The following DCC variants were observed in gnomAD, a reference collection of about 807,000 sequenced individuals.
DCC encodes DCC netrin 1 receptor.
In DCC, 58 loss-of-function variants were observed where a neutral mutation model predicts 172.5. The ratio of observed to expected loss-of-function variants is 0.34; its 90% CI spans 0.27 to 0.42. The LOEUF is 0.42. Among genes scored for constraint, DCC ranks in the 10% least tolerant of loss-of-function variants. The pLI is 1.00. For synonymous variants in DCC, 709 were observed against 644.5 expected (o/e 1.10, Z -1.52); for missense variants, 1,740 against 1,791.0 (o/e 0.97, Z 0.51).
intron 1 of DCC, among the ~76,000 whole-genome samples, chr18:52,542,550 G>T (rs2032489821): frequency 6.6e-6 from 1 of 152,008 alleles, no homozygotes; most frequent in Non-Finnish European, 1.5e-5. Flanking sequence ...AAGTTGAAGA[G>T]CAGGGCCGGG....
chr18:52,644,160 T>C (rs1276190155), intron 1 of DCC, among the ~76,000 whole-genome samples: 3 of 152,120 alleles, frequency 2.0e-5, no homozygotes, highest in East Asian at 1.9e-4. Flanking sequence ...ATGGGGAAAA[T>C]GTGTTATACA....
rs1465478886 is a variant in DCC, at chr18:52,590,179, GTGTA to G, written c.92-161872_92-161869del. On this transcript the variant is annotated intron_variant, in intron 1 of 28. Transcript: ENST00000442544. ...AAATGGTGTGTGTGTGTGTGTGTGT[GTGTA>G]TGCAATTATTTTAAATTTGGATTAA... Among the ~76,000 whole-genome samples, 16 of 151,512 alleles carry G rather than the reference GTGTA, an allele frequency of 1.1e-4. No homozygotes were observed. The South Asian group carries it at 2.3e-3, about 22-fold the overall frequency.
intron 2 of DCC, among the ~76,000 whole-genome samples, chr18:52,842,476 G>T (rs913715689): frequency 2.6e-5 from 4 of 152,080 alleles, no homozygotes; most frequent in African/African-American, 9.7e-5. Flanking sequence ...GTTCTATTAA[G>T]GCCCTTAATG....
At chr18:53,169,748 ATACAAGTTTACCCAAAAATTGGGTAAAC>A in intron 8 of DCC, among the ~76,000 whole-genome samples, 1 of 152,190 alleles carries the variant, frequency 6.6e-6, no homozygotes, top group East Asian at 1.9e-4. Flanking sequence ...AGGCCGAACA[ATACAAGTTTACCCAAAAATTGGGTAAAC>A]TTCTCATTAT....
chr18:52,908,868 T>C (rs953518043), intron 3 of DCC, among the ~76,000 whole-genome samples: 3 of 152,138 alleles, frequency 2.0e-5, no homozygotes, highest in Admixed American at 6.6e-5. Flanking sequence ...ATATAAACTT[T>C]AGAAAAAATT....
intron 21 of DCC, among the ~76,000 whole-genome samples, chr18:53,431,245 C>A (rs1489095310): frequency 1.3e-5 from 2 of 149,216 alleles, no homozygotes; most frequent in Non-Finnish European, 3.0e-5. Flanking sequence ...AGTAGAAAAT[C>A]ATTTGCTTTT....
At chr18:53,014,977 C>T (rs1475518754) in intron 5 of DCC, among the ~76,000 whole-genome samples, 1 of 152,118 alleles carries the variant, frequency 6.6e-6, no homozygotes, top group Non-Finnish European at 1.5e-5. Context: ...TCTTCCCCTA[C>T]ACAATTAAAA....
At chr18:53,044,013 G>T (rs1397651753) in intron 5 of DCC, among the ~76,000 whole-genome samples, 1 of 151,876 alleles carries the variant, frequency 6.6e-6, no homozygotes, top group Non-Finnish European at 1.5e-5. Context: ...GGCACTGACA[G>T]CTTCAAATAT....
At chr18:52,347,291 CTTAT>C (rs984367034) in intron 1 of DCC, among the ~76,000 whole-genome samples, 10 of 152,086 alleles carry the variant, frequency 6.6e-5, no homozygotes, top group African/African-American at 2.4e-4. Flanking sequence ...TTAGATTTTA[CTTAT>C]TTTTCTATAG....
At chr18:53,495,631 T>C (rs2046013078) in intron 26 of DCC, among the ~76,000 whole-genome samples, 1 of 152,116 alleles carries the variant, frequency 6.6e-6, no homozygotes, top group Admixed American at 6.6e-5. Context: ...AGGAGTATCT[T>C]TATGGTGTTC....
chr18:53,400,078 A>C (rs1909202531), intron 18 of DCC, among the ~76,000 whole-genome samples: 1 of 152,112 alleles, frequency 6.6e-6, no homozygotes, highest in African/African-American at 2.4e-5. Context: ...TGGTCCAATA[A>C]AAAAGAAAAA....
At chr18:53,374,237 C>T (rs544810824) in intron 15 of DCC, among the ~76,000 whole-genome samples, 1 of 152,298 alleles carries the variant, frequency 6.6e-6, no homozygotes, top group Admixed American at 6.5e-5. Flanking sequence ...TGGCCAGTGA[C>T]TACCACATTG....
At chr18:52,416,696 C>A (rs1226968872) in intron 1 of DCC, among the ~76,000 whole-genome samples, 1 of 151,434 alleles carries the variant, frequency 6.6e-6, no homozygotes, top group Non-Finnish European at 1.5e-5. Flanking sequence ...GGATTGCAAC[C>A]CCTGCCTTTT....
At chr18:52,756,677 A>T (rs2037081165) in intron 2 of DCC, among the ~76,000 whole-genome samples, 1 of 152,200 alleles carries the variant, frequency 6.6e-6, no homozygotes, top group African/African-American at 2.4e-5. Flanking sequence ...CGTGAAAATG[A>T]ACTTGCATCT....
At position 53,487,791 on chromosome 18, in the gene DCC, T is replaced by A. The variant is rs191309928; in HGVS notation, c.3898+833T>A. Among the ~76,000 whole-genome samples, 63 of 152,320 alleles carry A rather than the reference T, an allele frequency of 4.1e-4. No individual in the cohort carries two copies. The East Asian group carries it at 0.011, about 27-fold the overall frequency. On this transcript the variant is annotated intron_variant, in intron 26 of 28. Coordinates refer to ENST00000442544, the MANE Select transcript of DCC (RefSeq NM_005215.4). ...TCTGCCAAGGGAGAATTAGATTTAT[T>A]TTCTCTTTTCTCACTGCACATAATA...
chr18:52,556,995 C>A (rs2032932118), intron 1 of DCC, among the ~76,000 whole-genome samples: 1 of 152,202 alleles, frequency 6.6e-6, no homozygotes, highest in East Asian at 1.9e-4. Flanking sequence ...ACAGACACTG[C>A]TTCATAGATT....
chr18:53,025,337 G>A (rs1400056591), intron 5 of DCC, among the ~76,000 whole-genome samples: 1 of 152,124 alleles, frequency 6.6e-6, no homozygotes, highest in Non-Finnish European at 1.5e-5. Flanking sequence ...AAGGACTGTA[G>A]GTTAACGGGG....
intron 2 of DCC, among the ~76,000 whole-genome samples, chr18:52,766,815 T>A (rs899526534): frequency 2.6e-5 from 4 of 152,016 alleles, no homozygotes; most frequent in African/African-American, 9.7e-5. Flanking sequence ...TAGGTGGTGA[T>A]TTCAGGCTTT....
chr18:52,423,295 G>A (rs1381601129), intron 1 of DCC, among the ~76,000 whole-genome samples: 1 of 152,178 alleles, frequency 6.6e-6, no homozygotes, highest in Admixed American at 6.6e-5. Context: ...AAGCCCTGCA[G>A]AGGTAGAGAT....
Sources: gnomAD v4.1 joint callset for allele counts (sites outside exome capture counted in the v4.1 genomes callset) on GRCh38, gnomAD v4.1.1 for gene constraint, MANE v1.5 for transcripts, NCBI Gene and HGNC (gene_info 2026-07-23, HGNC 2026-07-21) for gene names.